Variants in STPG2 observed in about 807,000 individuals in gnomAD.
The protein encoded by STPG2 is sperm tail PG-rich repeat containing 2, also known as sperm-tail PG-rich repeat-containing protein 2.
In STPG2, 56 loss-of-function variants were observed where a neutral mutation model predicts 54.2. That is an observed-to-expected ratio of 1.03 (90% CI 0.83 to 1.29). STPG2 has a LOEUF of 1.29. Ranked by LOEUF, STPG2 falls within the 50% of genes most tolerant of loss-of-function variation. The pLI is 0.00. For synonymous variants in STPG2, 200 were observed against 181.8 expected (o/e 1.10, Z -0.81); for missense variants, 596 against 544.9 (o/e 1.09, Z -0.93).
intron 9 of STPG2, among the ~76,000 whole-genome samples, chr4:97,723,815 C>T (rs1239851022): frequency 6.6e-6 from 1 of 152,136 alleles, no homozygotes; most frequent in African/African-American, 2.4e-5. Flanking sequence ...GAGGGAAGTG[C>T]CACTTTTAAA....
At position 97,747,711 on chromosome 4, in the gene STPG2, C is replaced by G. The variant is rs117765767; in HGVS notation, c.1205-34897G>C. 3.6e-3 allele frequency among the ~76,000 whole-genome samples: 548 copies of G among 151,430 alleles called. 13 individuals are homozygous for G. In the East Asian group the frequency reaches 0.072, roughly 20 times the overall value. ...TTAATGTGCATGATTTCTACTTTTA[C>G]TTCAAGACAAAGCGTGCATTTTTAC... On this transcript the variant is annotated intron_variant, in intron 9 of 10. Transcript: ENST00000295268.
chr4:97,741,847 A>G (rs374679683), intron 9 of STPG2, among the ~76,000 whole-genome samples: 2 of 152,274 alleles, frequency 1.3e-5, no homozygotes, highest in East Asian at 1.9e-4. Context: ...CATTTGACCA[A>G]GCCATCCCAT....
At chr4:97,748,001 C>T (rs1725470936) in intron 9 of STPG2, among the ~76,000 whole-genome samples, 1 of 151,414 alleles carries the variant, frequency 6.6e-6, no homozygotes, top group Non-Finnish European at 1.5e-5. Context: ...TCTTATCCTT[C>T]ATAAAAGAGT....
At chr4:97,905,714 T>C (rs1476196814) in intron 8 of STPG2, among the ~76,000 whole-genome samples, 2 of 151,912 alleles carry the variant, frequency 1.3e-5, no homozygotes, top group Non-Finnish European at 2.9e-5. Flanking sequence ...GAAACCCATC[T>C]CACGTGCAGA....
At chr4:97,818,318 T>G (rs551540575) in intron 9 of STPG2, among the ~76,000 whole-genome samples, 12 of 152,080 alleles carry the variant, frequency 7.9e-5, no homozygotes, top group Non-Finnish European at 1.6e-4. Flanking sequence ...AAATACTATG[T>G]TTTTTCCTAT....
chr4:97,455,527 G>A (rs1221728210), intron 4 of STPG2, among the ~76,000 whole-genome samples: 1 of 152,118 alleles, frequency 6.6e-6, no homozygotes, highest in Non-Finnish European at 1.5e-5. Context: ...GTGGTCAGAG[G>A]AGAGCCTGGC....
intron 7 of STPG2, among the ~76,000 whole-genome samples, chr4:97,968,297 TG>T (rs1734192194): frequency 6.6e-6 from 1 of 152,212 alleles, no homozygotes; most frequent in African/African-American, 2.4e-5. Flanking sequence ...CAATAATTAA[TG>T]GCCTACCAAC....
chr4:97,841,192 G>T (rs188215575), intron 8 of STPG2, among the ~76,000 whole-genome samples: 131 of 151,766 alleles, frequency 8.6e-4, no homozygotes, highest in Non-Finnish European at 1.5e-3. Context: ...TAGCTTTCAT[G>T]ATATAGATCA....
chr4:97,947,962 T>G (rs1429456031), intron 7 of STPG2, among the ~76,000 whole-genome samples: 1 of 152,108 alleles, frequency 6.6e-6, no homozygotes, highest in South Asian at 2.1e-4. Context: ...TCTTTTGTAA[T>G]AGTTTCACCA....
In STPG2 at chr4:97,995,314, G is replaced by T. The variant is rs193299755; in HGVS notation, c.613-13996C>A. Among the ~76,000 whole-genome samples the T allele has an allele frequency of 9.3e-4, 141 of 152,220 alleles. 1 individual carries two copies. The highest frequency in any genetic ancestry group is 8.7e-3 in the South Asian group (42 of 4,828). The stretch of plus-strand genomic sequence containing the variant: ...TGGCTGTCCCACAAAGCCTGCAGTG[G>T]CAATCACCTCCTTCAATGTGTCTGT... On this transcript the variant is annotated intron_variant, in intron 5 of 10. Coordinates refer to ENST00000295268, the MANE Select transcript of STPG2 (RefSeq NM_174952.3).
intron 10 of STPG2, among the ~76,000 whole-genome samples, chr4:97,629,921 T>G (rs1721215268): frequency 6.6e-6 from 1 of 151,968 alleles, no homozygotes; most frequent in Non-Finnish European, 1.5e-5. Flanking sequence ...CATGTGAAAC[T>G]GATATGCCCA....
chr4:97,973,512 A>C (rs1734404903), intron 6 of STPG2, among the ~76,000 whole-genome samples: 1 of 152,246 alleles, frequency 6.6e-6, no homozygotes, highest in Non-Finnish European at 1.5e-5. Context: ...CTGGCTGCAG[A>C]AATTTGCATA....
chr4:97,778,515 A>T (rs1162928681), intron 9 of STPG2, among the ~76,000 whole-genome samples: 1 of 152,182 alleles, frequency 6.6e-6, no homozygotes, highest in African/African-American at 2.4e-5. Context: ...GGCAGGGCAT[A>T]GCTGAACAAA....
chr4:98,076,426 G>C (rs531658104), intron 5 of STPG2, among the ~76,000 whole-genome samples: 1 of 152,056 alleles, frequency 6.6e-6, no homozygotes, highest in African/African-American at 2.4e-5. Context: ...AATCACAATT[G>C]AAAATATCAA....
chr4:97,975,509 T>C (rs1242762207), intron 6 of STPG2, among the ~76,000 whole-genome samples: 3 of 152,208 alleles, frequency 2.0e-5, no homozygotes, highest in Non-Finnish European at 4.4e-5. Flanking sequence ...TAGGTTCATA[T>C]ATTTTTCATT....
chr4:97,943,817 C>A (rs1396764981), intron 8 of STPG2, 80 bp downstream of exon 8: 3 of 1,053,724 alleles, frequency 2.8e-6, no homozygotes, highest in South Asian at 1.7e-5. Context: ...TCACTCAGGT[C>A]CTAATATAAT....
At chr4:98,031,449 T>C (rs950184814) in intron 5 of STPG2, among the ~76,000 whole-genome samples, 4 of 152,032 alleles carry the variant, frequency 2.6e-5, no homozygotes, top group African/African-American at 4.8e-5. Flanking sequence ...GAGGCTGAGA[T>C]GGGCGGATCA....
intron 9 of STPG2, among the ~76,000 whole-genome samples, chr4:97,727,906 T>C (rs954694632): frequency 1.3e-5 from 2 of 152,006 alleles, no homozygotes; most frequent in African/African-American, 4.8e-5. Context: ...ATTATACTTT[T>C]TTCTACTGTT....
At chr4:97,473,770 G>A (rs1730003780) in intron 4 of STPG2, among the ~76,000 whole-genome samples, 1 of 152,058 alleles carries the variant, frequency 6.6e-6, no homozygotes, top group African/African-American at 2.4e-5. Flanking sequence ...GACAAGTGAT[G>A]TCTCCCCCGG....
Sources: gnomAD v4.1 joint callset for allele counts (sites outside exome capture counted in the v4.1 genomes callset) on GRCh38, gnomAD v4.1.1 for gene constraint, MANE v1.5 for transcripts, NCBI Gene and HGNC (gene_info 2026-07-23, HGNC 2026-07-21) for gene names.